The following CYB5R2 variants were observed in gnomAD, a reference collection of about 807,000 sequenced individuals.
CYB5R2 encodes cytochrome b5 reductase 2.
Under a neutral mutation model 29.8 loss-of-function variants are expected in CYB5R2, and 35 were observed. That is an observed-to-expected ratio of 1.17 (90% CI 0.90 to 1.56). CYB5R2 has a LOEUF of 1.56. CYB5R2 is among the 40% of genes most tolerant of loss of function. The probability of loss-of-function intolerance (pLI) is 0.00; values close to 1 mark genes in which losing one functional copy is unlikely to be tolerated. For synonymous variants in CYB5R2, 169 were observed against 130.6 expected (o/e 1.29, Z -2.01); for missense variants, 419 against 346.7 (o/e 1.21, Z -1.66).
chr11:7,666,853 G>A (rs1855289898), intron 7 of CYB5R2: 2 of 215,628 alleles, frequency 9.3e-6, no homozygotes, highest in African/African-American at 2.3e-5. Flanking sequence ...GGCTTCACTC[G>A]GAGCTCCAGC....
Position 7,666,637 on chromosome 11 carries a change from C to T in CYB5R2, c.559-87G>A, listed in dbSNP as rs907516956. On this transcript the variant is annotated intron_variant, in intron 7 of 8. Coordinates refer to ENST00000299498, the MANE Select transcript of CYB5R2 (RefSeq NM_016229.5). ...CTACACCGGTCAGCATACTCCTGGC[C>T]AAAGCTGCCACCACTCCAGCTGGAG... 1.6e-5 allele frequency: 14 copies of T among 851,482 alleles called. No individual in the cohort carries two copies. The African/African-American group carries it at 1.7e-4, about 10-fold the overall frequency. 52.7% of individuals were successfully genotyped at this position (851,482 alleles called of 1,614,324 possible). A position where few individuals can be genotyped will look rare whatever the true frequency, so the allele number is the denominator to read the frequency against.
chr11:7,673,476 C>T lies in CYB5R2; in HGVS notation c.-124G>A, dbSNP rs989404104. 23 of 986,384 alleles carry T rather than the reference C, an allele frequency of 2.3e-5. No individual in the cohort carries two copies. The highest frequency in any genetic ancestry group is 2.8e-5 in the Non-Finnish European group (23 of 830,766). The allele number at this position is 986,384 out of a possible 1,614,324, so 61.1% of individuals were successfully genotyped here. A position where few individuals can be genotyped will look rare whatever the true frequency, so the allele number is the denominator to read the frequency against. On this transcript the variant is annotated 5_prime_UTR_variant, in exon 1 of 9. Coordinates refer to ENST00000299498, the MANE Select transcript of CYB5R2 (RefSeq NM_016229.5). ...AAGCCCGACAGGGAAAGTTGCCTCT[C>T]CTCCCGCCGGGTCACTGGAGTCTCA...
In CYB5R2 at chr11:7,666,455, G is replaced by A. The variant is rs1855231915; in HGVS notation, c.654C>T (p.Pro218=). ...FNLWYTLDRP[P]IGWKYSSGFV... ...TGAGGGCAATGGATGTCGTACCAAT[G>A]GGAGGCCTGTCCAGGGTGTACCACA... The change falls in exon 8 of 9, where the codon CCC becomes CCT. Residue 218 remains proline, a synonymous_variant. Transcript: ENST00000299498. The A allele has an allele frequency of 1.2e-6, 2 of 1,607,436 alleles. No individual in the cohort carries two copies. The highest frequency in any genetic ancestry group is 4.5e-5 in the East Asian group (2 of 44,840).
intron 3 of CYB5R2, chr11:7,671,658 G>A (rs1855749518): frequency 6.6e-6 from 1 of 152,274 alleles, no homozygotes; most frequent in Non-Finnish European, 1.5e-5. Flanking sequence ...ATAGAGCTGA[G>A]GTCAAGGTTT....
At chr11:7,670,697 C>T (rs969591301) in intron 3 of CYB5R2, 23 of 152,236 alleles carry the variant, frequency 1.5e-4, no homozygotes, top group Non-Finnish European at 3.1e-4. Flanking sequence ...ATCATGACTA[C>T]ATCCCACTGT....
At chr11:7,668,151 T>C (rs1855456093) in intron 6 of CYB5R2, among the ~76,000 whole-genome samples, 1 of 152,226 alleles carries the variant, frequency 6.6e-6, no homozygotes, top group Non-Finnish European at 1.5e-5. Flanking sequence ...GACTGCTCTC[T>C]TTCTTCAGGC....
intron 3 of CYB5R2, chr11:7,671,958 C>T (rs891848560): frequency 6.4e-6 from 1 of 155,602 alleles, no homozygotes; most frequent in Admixed American, 6.3e-5. Context: ...CTGACTCATT[C>T]CTGCCTACCC....
chr11:7,669,327 A>T lies in CYB5R2; in HGVS notation c.266T>A (p.Phe89Tyr). Residue 89 changes from phenylalanine to tyrosine, a missense_variant, in exon 5 of 9, where the codon TTC becomes TAC. Transcript: ENST00000299498. The part of the protein sequence containing the change: ...GFVDLIIKIY[F>Y]KNVHPQYPEG... ...AGGATATTGGGGGTGTACATTTTTG[A>T]AGTAGATCTGAAAAGCAAGGCAGCA... The T allele has an allele frequency of 4.3e-6, 7 of 1,610,992 alleles. No individual in the cohort carries two copies. The highest frequency in any genetic ancestry group is 5.9e-6 in the Non-Finnish European group (7 of 1,178,178).
upstream of CYB5R2, chr11:7,674,054 C>T: frequency 8.4e-7 from 1 of 1,187,084 alleles, no homozygotes; most frequent in Non-Finnish European, 1.1e-6. Context: ...TGCCCCTCTG[C>T]ATCCTGGCCC....
At chr11:7,665,957 A>G (rs924406576) in intron 8 of CYB5R2, 1 of 1,522,600 alleles carries the variant, frequency 6.6e-7, no homozygotes, top group Non-Finnish European at 8.8e-7. Context: ...ACAAGCAGGT[A>G]CAGCCGGGAG....
intron 3 of CYB5R2, 142 bp from the exon 4 acceptor site, chr11:7,669,873 A>AAGAAGAGAGCAGGGAAGGAG: frequency 1.5e-6 from 1 of 667,144 alleles, no homozygotes; most frequent in South Asian, 1.8e-5. Context: ...CAGGGAAGGA[A>AAGAAGAGAGCAGGGAAGGAG]CCCAAATATG....
chr11:7,665,335 T>G lies in CYB5R2; in HGVS notation c.*39A>C, dbSNP rs748761078. ...GAAATTGAACTTACTCTGAAACAGA[T>G]GAAAAGGGACATGCAAAATTGCTGA... is the stretch of plus-strand genomic sequence containing the variant. On this transcript the variant is annotated 3_prime_UTR_variant, in exon 9 of 9. Transcript: ENST00000299498. 22 of 1,452,198 alleles carry G rather than the reference T, an allele frequency of 1.5e-5. No individual in the cohort carries two copies. The highest frequency in any genetic ancestry group is 1.2e-5 in the Non-Finnish European group (13 of 1,088,228). 90.0% of individuals were successfully genotyped at this position (1,452,198 alleles called of 1,614,324 possible). A position where few individuals can be genotyped will look rare whatever the true frequency, so the allele number is the denominator to read the frequency against.
rs12796110 is a variant in CYB5R2, at chr11:7,666,438, A to C, written c.658+13T>G. On this transcript the variant is annotated intron_variant, in intron 8 of 8. Transcript: ENST00000299498. ...TGCTGACCCATGGTGAGTGAGGGCA[A>C]TGGATGTCGTACCAATGGGAGGCCT... The C allele has an allele frequency of 0.77, 1,205,614 of 1,561,578 alleles. 466,340 individuals are homozygous for C. Among genetic ancestry groups the C allele is most frequent in the East Asian group, 0.81 (36,030 of 44,606 alleles).
In CYB5R2 at chr11:7,672,747, CCT is replaced by C. The variant is rs1298596409; in HGVS notation, c.77_78del (p.Lys27AsnfsTer25). 5 of 1,614,100 alleles carry C rather than the reference CCT, an allele frequency of 3.1e-6. No homozygotes were observed. Among genetic ancestry groups the C allele is most frequent in the Non-Finnish European group, 4.2e-6 (5 of 1,180,052 alleles). On this transcript the variant is annotated frameshift_variant and splice_region_variant, in exon 2 of 9. Coordinates refer to ENST00000299498, the MANE Select transcript of CYB5R2 (RefSeq NM_016229.5). LOFTEE classifies it high-confidence loss of function. Reference protein sequence around the residue: ...AKYPLPLIEKEKISHNTRRFR... With the variant: ...AKYPLPLIEKXKISHNTRRFR... Reference sequence around the variant, plus strand: ...TTCCACCCACAGGGCTGACCCATTACCTCTTTCTCAATCAAGGGCAGCGGGTA... The same window carrying C: ...TTCCACCCACAGGGCTGACCCATTACCTTTCTCAATCAAGGGCAGCGGGTA...
Position 7,673,495 on chromosome 11 carries a change from A to T in CYB5R2, c.-143T>A. 2.0e-6 allele frequency: 2 copies of T among 986,120 alleles called. No individual in the cohort carries two copies. The highest frequency in any genetic ancestry group is 2.4e-6 in the Non-Finnish European group (2 of 830,518). 61.1% of individuals were successfully genotyped at this position (986,120 alleles called of 1,614,324 possible). A position where few individuals can be genotyped will look rare whatever the true frequency, so the allele number is the denominator to read the frequency against. On this transcript the variant is annotated 5_prime_UTR_variant, in exon 1 of 9. Transcript: ENST00000299498. ...GCCTCTCCTCCCGCCGGGTCACTGG[A>T]GTCTCAGCCTTCCGGAATCCGAGCC...
chr11:7,672,709 T>C, intron 2 of CYB5R2, 39 bp downstream of exon 2: 1 of 1,613,166 alleles, frequency 6.2e-7, no homozygotes. Context: ...CCAGCCATCA[T>C]CCACTTACTG....
Position 7,672,748 on chromosome 11 carries a change from C to G in CYB5R2, c.78G>C (p.Glu26Asp). The G allele has an allele frequency of 1.9e-6, 3 of 1,614,202 alleles. No homozygotes were observed. The highest frequency in any genetic ancestry group is 3.3e-5 in the Admixed American group (2 of 60,032). The change falls in exon 2 of 9, where the codon GAG becomes GAC. Residue 26 changes from glutamate (E) to aspartate (D), a missense_variant and splice_region_variant. Physicochemically the swap from Glu to Asp is conservative, Grantham distance 45. Transcript: ENST00000299498. The part of the protein sequence containing the change: ...AKYPLPLIEK[E>D]KISHNTRRFR... ...TCCACCCACAGGGCTGACCCATTAC[C>G]TCTTTCTCAATCAAGGGCAGCGGGT...
At position 7,665,271 on chromosome 11, in the gene CYB5R2, T is replaced by G. The variant is rs572409136; in HGVS notation, c.*103A>C. Reference sequence around the variant, plus strand: ...GAACCAGTGTGTGCGCGAAGGTACATGGCAAGGCACTTTTGAAAACATCCC... The same window carrying G: ...GAACCAGTGTGTGCGCGAAGGTACAGGGCAAGGCACTTTTGAAAACATCCC... On this transcript the variant is annotated 3_prime_UTR_variant, in exon 9 of 9. Transcript: ENST00000299498. 1.3e-5 allele frequency: 14 copies of G among 1,057,826 alleles called. 1 individual carries two copies. In the Middle Eastern group the frequency reaches 6.3e-4, roughly 47 times the overall value. The allele number at this position is 1,057,826 out of a possible 1,614,324, so 65.5% of individuals were successfully genotyped here.
chr11:7,670,269 C>T (rs890954919), intron 3 of CYB5R2: 2 of 156,280 alleles, frequency 1.3e-5, no homozygotes, highest in African/African-American at 4.8e-5. Flanking sequence ...GGGAGCATCA[C>T]CTGAGCCCAG....
Sources: gnomAD v4.1 joint callset for allele counts (sites outside exome capture counted in the v4.1 genomes callset) on GRCh38, gnomAD v4.1.1 for gene constraint, MANE v1.5 for transcripts, NCBI Gene and HGNC (gene_info 2026-07-23, HGNC 2026-07-21) for gene names.